The following TENT5D variants were observed in gnomAD, a reference collection of about 807,000 sequenced individuals.
The protein encoded by TENT5D is terminal nucleotidyltransferase 5D.
For synonymous variants in TENT5D, 103 were observed against 100.6 expected, an observed-to-expected ratio of 1.02 and a Z score of -0.15; for missense variants, 191 against 287.0, an observed-to-expected ratio of 0.67 and a Z score of 2.42.
intron 3 of TENT5D, among the ~76,000 whole-genome samples, chrX:80,356,356 A>T (rs1930283944): frequency 8.9e-6 from 1 of 111,834 alleles, no homozygotes; most frequent in African/African-American, 3.2e-5. Flanking sequence ...TATCAGTAAC[A>T]GCATGAATCA....
intron 3 of TENT5D, among the ~76,000 whole-genome samples, chrX:80,344,513 G>C (rs996452881): frequency 4.6e-5 from 5 of 109,790 alleles, no homozygotes; most frequent in African/African-American, 1.7e-4. Flanking sequence ...GCGTGAGATG[G>C]TATATCTTAT....
At chrX:80,339,870 TATAGAG>T (rs1472207476) in intron 2 of TENT5D, among the ~76,000 whole-genome samples, 3 of 103,758 alleles carry the variant, frequency 2.9e-5, no homozygotes, top group East Asian at 3.0e-4. Context: ...TATATATATA[TATAGAG>T]AGAGAGAGAG....
At chrX:80,384,864 G>C (rs1443432349) in intron 3 of TENT5D, among the ~76,000 whole-genome samples, 1 of 109,956 alleles carries the variant, frequency 9.1e-6, no homozygotes, top group Non-Finnish European at 1.9e-5. Flanking sequence ...CAACTTACAA[G>C]GGATGTGAAG....
At chrX:80,397,419 G>A (rs1459679542) in intron 3 of TENT5D, among the ~76,000 whole-genome samples, 13 of 106,500 alleles carry the variant, frequency 1.2e-4, no homozygotes, top group Admixed American at 2.0e-4. Context: ...GATGGCGGCC[G>A]GGCAGAGACG....
intron 3 of TENT5D, among the ~76,000 whole-genome samples, chrX:80,364,381 C>T (rs1294556146): frequency 8.9e-6 from 1 of 111,800 alleles, no homozygotes; most frequent in Non-Finnish European, 1.9e-5. Flanking sequence ...TTCTTTACTC[C>T]TCTTTCTCAC....
intron 3 of TENT5D, among the ~76,000 whole-genome samples, chrX:80,387,408 G>C (rs1473136632): frequency 8.9e-6 from 1 of 111,933 alleles, no homozygotes; most frequent in Non-Finnish European, 1.9e-5. Flanking sequence ...GAAGGAACTT[G>C]GGTGTTGTGA....
chrX:80,374,076 T>C (rs754650905), intron 3 of TENT5D, among the ~76,000 whole-genome samples: 2 of 111,509 alleles, frequency 1.8e-5, no homozygotes, highest in East Asian at 2.8e-4. Flanking sequence ...CTCCCACTTA[T>C]AAGTGAGAAC....
intron 3 of TENT5D, among the ~76,000 whole-genome samples, chrX:80,387,454 A>G (rs984628023): frequency 8.9e-6 from 1 of 112,281 alleles, no homozygotes; most frequent in African/African-American, 3.2e-5. Flanking sequence ...TATCTGTGCT[A>G]GAGAACACCC....
At chrX:80,348,474 G>T (rs1930111504) in intron 3 of TENT5D, among the ~76,000 whole-genome samples, 1 of 109,738 alleles carries the variant, frequency 9.1e-6, no homozygotes, top group East Asian at 2.8e-4. Context: ...TGTTTGTGGT[G>T]TATAGGAATG....
chrX:80,357,414 C>G (rs998440764), intron 3 of TENT5D, among the ~76,000 whole-genome samples: 17 of 108,497 alleles, frequency 1.6e-4, no homozygotes, highest in African/African-American at 5.7e-4. Flanking sequence ...CACATCCTCT[C>G]CAGCACCTGT....
At chrX:80,397,730 C>T (rs1931308019) in intron 3 of TENT5D, among the ~76,000 whole-genome samples, 1 of 112,883 alleles carries the variant, frequency 8.9e-6, no homozygotes, top group Non-Finnish European at 1.9e-5. Context: ...AGCTGGAGAC[C>T]ATCCCAGCCA....
chrX:80,346,012 A>G (rs1930051335), intron 3 of TENT5D, among the ~76,000 whole-genome samples: 1 of 111,897 alleles, frequency 8.9e-6, no homozygotes, highest in South Asian at 3.8e-4. Flanking sequence ...TGTCTATTTA[A>G]TAACCCTGTG....
At chrX:80,390,781 G>T (rs746185758) in intron 3 of TENT5D, among the ~76,000 whole-genome samples, 14 of 111,832 alleles carry the variant, frequency 1.3e-4, no homozygotes, top group Non-Finnish European at 2.6e-4. Context: ...CAAGGTGGAA[G>T]ACAAGATCAT....
chrX:80,362,820 C>T (rs1930436497), intron 3 of TENT5D, among the ~76,000 whole-genome samples: 1 of 111,057 alleles, frequency 9.0e-6, no homozygotes, highest in African/African-American at 3.3e-5. Context: ...CAGCCAAATG[C>T]CTTAGAAAAT....
At chrX:80,442,581 T>C in exon 3 of TENT5D, 4 of 1,209,331 alleles carry the variant, frequency 3.3e-6, no homozygotes, top group Non-Finnish European at 4.5e-6. Context: ...GGGATCAAGT[T>C]ATAACACTGG....
rs1481927653 is a variant in TENT5D at position 80,397,516 on chromosome X, C to T, written c.-141-41094C>T. 2.7e-5 allele frequency among the ~76,000 whole-genome samples: 3 copies of T among 112,127 alleles called. No individual in the cohort carries two copies. In the Admixed American group the frequency reaches 2.8e-4, roughly 10 times the overall value. Reference sequence around the variant, plus strand: ...GGCCAGGCAGAGACGCTCCTCACTTCCCAGACGGGGTGGTGGCCGGGCAGA... The same window carrying T: ...GGCCAGGCAGAGACGCTCCTCACTTTCCAGACGGGGTGGTGGCCGGGCAGA... On this transcript the variant is annotated intron_variant, in intron 3 of 4. Transcript: ENST00000538312.
At chrX:80,438,486 G>GTGTATGTA (rs60722034) in intron 1 of TENT5D, 124 bp from the exon 2 acceptor site, 140 of 107,878 alleles carry the variant, frequency 1.3e-3, no homozygotes, top group African/African-American at 4.2e-3. Flanking sequence ...GCGTCTGTGT[G>GTGTATGTA]TGTATGTATG....
intron 3 of TENT5D, among the ~76,000 whole-genome samples, chrX:80,412,998 T>A (rs1931701931): frequency 9.0e-6 from 1 of 111,243 alleles, no homozygotes; most frequent in Non-Finnish European, 1.9e-5. Flanking sequence ...CCAACCAATG[T>A]TAAATGTCTT....
chrX:80,336,909 C>A (rs1307789530), intron 2 of TENT5D, among the ~76,000 whole-genome samples: 3 of 112,040 alleles, frequency 2.7e-5, no homozygotes, highest in Non-Finnish European at 5.6e-5. Context: ...AAGTAAAAGA[C>A]GAATCGTAGC....
Sources: allele counts gnomAD v4.1 joint callset (sites outside exome capture counted in the v4.1 genomes callset), GRCh38; gene constraint gnomAD v4.1.1; transcripts MANE v1.5; gene names NCBI Gene and HGNC (gene_info 2026-07-23, HGNC 2026-07-21).